The following RPS6KC1 variants were observed in gnomAD, a reference collection of about 807,000 sequenced individuals.
RPS6KC1 encodes ribosomal protein S6 kinase C1.
A neutral mutation model predicts 103.8 loss-of-function variants in RPS6KC1; 54 were observed. The ratio of observed to expected loss-of-function variants is 0.52; its 90% CI spans 0.42 to 0.65. RPS6KC1 has a LOEUF of 0.65. Among genes scored for constraint, RPS6KC1 ranks in the 30% least tolerant of loss-of-function variants. The pLI is 0.00. For synonymous variants in RPS6KC1, 439 were observed against 438.7 expected (o/e 1.00, Z -0.01); for missense variants, 1,151 against 1,253.8 (o/e 0.92, Z 1.24).
the RPS6KC1 span, among the ~76,000 whole-genome samples, chr1:213,489,476 G>A: frequency 2.3e-3 from 350 of 152,284 alleles, 1 homozygote; most frequent in African/African-American, 7.9e-3. Context: ...TTTCCTCTGG[G>A]CCTTTTCATT....
At chr1:213,504,955 A>G in the RPS6KC1 span, among the ~76,000 whole-genome samples, 1 of 151,994 alleles carries the variant, frequency 6.6e-6, no homozygotes, top group Admixed American at 6.6e-5. Flanking sequence ...CTCATTCCTA[A>G]TCCTATGAAT....
At chr1:213,716,797 G>T in the RPS6KC1 span, among the ~76,000 whole-genome samples, 1 of 152,034 alleles carries the variant, frequency 6.6e-6, no homozygotes, top group Non-Finnish European at 1.5e-5. Flanking sequence ...TTTACACTGG[G>T]TTTTACATAA....
At chr1:213,315,496 T>C in the RPS6KC1 span, among the ~76,000 whole-genome samples, 1 of 152,404 alleles carries the variant, frequency 6.6e-6, no homozygotes, top group African/African-American at 2.4e-5. Context: ...TTAAGGGCTA[T>C]TTCACAAGAA....
At chr1:213,634,311 T>C in the RPS6KC1 span, among the ~76,000 whole-genome samples, 15,613 of 152,132 alleles carry the variant, frequency 0.1, 1,261 homozygotes, top group African/African-American at 0.23. Context: ...TATTCCAAAA[T>C]TGACCACATA....
At chr1:213,255,563 T>C (rs1021739956) in intron 12 of RPS6KC1, among the ~76,000 whole-genome samples, 1 of 152,204 alleles carries the variant, frequency 6.6e-6, no homozygotes, top group East Asian at 1.9e-4. Flanking sequence ...TGGTTTATGC[T>C]TAGATTTTTT....
chr1:213,051,441 C>T lies in RPS6KC1; in HGVS notation c.37C>T (p.Arg13Cys), dbSNP rs1301589030. ...SYRERSADLARFYTVTEPQRH... is the reference protein window; with the variant it reads ...SYRERSADLACFYTVTEPQRH... ...CCGGGAGCGGAGTGCCGACCTGGCCCGTTTCTACACTGTCACCGAGCCCCA... is the reference window on the plus strand; with the variant it reads ...CCGGGAGCGGAGTGCCGACCTGGCCTGTTTCTACACTGTCACCGAGCCCCA... The change falls in exon 1 of 15, where the codon CGT becomes TGT. Residue 13 changes from arginine to cysteine, a missense_variant. By Grantham distance (180) the Arg-to-Cys change is radical (BLOSUM62 -3). Coordinates refer to ENST00000366960, the MANE Select transcript of RPS6KC1 (RefSeq NM_012424.6). 2 of 1,613,534 alleles carry T rather than the reference C, an allele frequency of 1.2e-6. No individual in the cohort carries two copies. Among genetic ancestry groups the T allele is most frequent in the East Asian group, 2.2e-5 (1 of 44,876 alleles).
At chr1:213,438,792 CTTTTTTTTT>C in the RPS6KC1 span, among the ~76,000 whole-genome samples, 3 of 129,732 alleles carry the variant, frequency 2.3e-5, no homozygotes, top group Admixed American at 2.4e-4. Flanking sequence ...ATCTTGGTTT[CTTTTTTTTT>C]TTTTTTTTTT....
At chr1:213,576,829 A>C in the RPS6KC1 span, among the ~76,000 whole-genome samples, 1 of 152,262 alleles carries the variant, frequency 6.6e-6, no homozygotes, top group Non-Finnish European at 1.5e-5. Context: ...ACCAAAAGCT[A>C]GGCCTCTTGA....
the RPS6KC1 span, among the ~76,000 whole-genome samples, chr1:213,603,491 G>A: frequency 1.6e-4 from 25 of 152,258 alleles, 1 homozygote; most frequent in South Asian, 6.2e-4. Flanking sequence ...CTAATTCCAA[G>A]CTGGCCTTGA....
the RPS6KC1 span, among the ~76,000 whole-genome samples, chr1:213,489,656 G>T: frequency 6.6e-6 from 1 of 152,196 alleles, no homozygotes; most frequent in Non-Finnish European, 1.5e-5. Context: ...TATAGGATGT[G>T]CAGTGGCAAC....
chr1:213,566,736 G>A, the RPS6KC1 span, among the ~76,000 whole-genome samples: 1 of 149,004 alleles, frequency 6.7e-6, no homozygotes, highest in Non-Finnish European at 1.5e-5. Context: ...CTATGACTAT[G>A]TTTTTTTTTG....
intron 6 of RPS6KC1, among the ~76,000 whole-genome samples, chr1:213,139,280 A>G (rs1193737135): frequency 6.6e-6 from 1 of 151,902 alleles, no homozygotes; most frequent in Non-Finnish European, 1.5e-5. Flanking sequence ...CAAATATTTT[A>G]TCCTGTTCTA....
the RPS6KC1 span, among the ~76,000 whole-genome samples, chr1:213,431,438 A>T: frequency 6.6e-6 from 1 of 151,640 alleles, no homozygotes; most frequent in East Asian, 1.9e-4. Flanking sequence ...TGCTCACAAC[A>T]CTCCCTCTTA....
the RPS6KC1 span, among the ~76,000 whole-genome samples, chr1:213,547,251 T>G: frequency 9.7e-3 from 1,472 of 152,310 alleles, 24 homozygotes; most frequent in African/African-American, 0.033. Flanking sequence ...CAGATATATT[T>G]TTACATGTGA....
At chr1:213,804,446 A>G in the RPS6KC1 span, among the ~76,000 whole-genome samples, 1 of 152,102 alleles carries the variant, frequency 6.6e-6, no homozygotes, top group African/African-American at 2.4e-5. Flanking sequence ...TGCACTGGCC[A>G]TTCCTGCTTC....
At chr1:213,804,173 T>TAAAAAAAAAAAAAA in the RPS6KC1 span, among the ~76,000 whole-genome samples, 1 of 57,840 alleles carries the variant, frequency 1.7e-5, no homozygotes, top group Non-Finnish European at 3.1e-5. Context: ...TGGCTAATCT[T>TAAAAAAAAAAAAAA]AAAAAAAAAA....
rs1452261433 is a variant in RPS6KC1, at chr1:213,051,409, C to T, written c.5C>T (p.Thr2Ile). 1 of 1,611,756 alleles carries T rather than the reference C, an allele frequency of 6.2e-7. No homozygotes were observed. The highest frequency in any genetic ancestry group is 2.2e-5 in the East Asian group (1 of 44,876). Residue 2 changes from threonine to isoleucine, a missense_variant, in exon 1 of 15, where the codon ACC (threonine) becomes ATC (isoleucine). This residue lies in a region of RPS6KC1 where 959 missense variants were observed against 1,006.3 expected (regional missense o/e 0.95). Transcript: ENST00000366960. ...GGCGGCAGAGGCGGCGGGAGGATGA[C>T]CTCTTACCGGGAGCGGAGTGCCGAC... is the stretch of plus-strand genomic sequence containing the variant. Reference protein sequence around the residue: MTSYRERSADLA... With the variant: MISYRERSADLA...
chr1:213,754,745 T>C, the RPS6KC1 span, among the ~76,000 whole-genome samples: 2 of 152,236 alleles, frequency 1.3e-5, no homozygotes, highest in African/African-American at 4.8e-5. Flanking sequence ...GCCTCAGGTA[T>C]TTCTTTACAG....
the RPS6KC1 span, among the ~76,000 whole-genome samples, chr1:213,750,777 C>A: frequency 2.2e-4 from 34 of 152,290 alleles, no homozygotes; most frequent in Middle Eastern, 6.8e-3. Flanking sequence ...TCAACACTTA[C>A]ACCCACATAT....
Sources: allele counts gnomAD v4.1 joint callset (sites outside exome capture counted in the v4.1 genomes callset), GRCh38; gene constraint gnomAD v4.1.1; regional missense constraint gnomAD v4.1.1; transcripts MANE v1.5; gene names NCBI Gene and HGNC (gene_info 2026-07-23, HGNC 2026-07-21).